Variants in FHIT observed in about 807,000 individuals in gnomAD.
FHIT encodes the protein fragile histidine triad diadenosine triphosphatase.
FHIT carries 19 observed loss-of-function variants against 17.9 expected under a neutral mutation model. That is an observed-to-expected ratio of 1.06 (90% CI 0.74 to 1.56). The LOEUF (loss-of-function observed/expected upper bound fraction) is 1.56. Among genes scored for constraint, FHIT ranks in the 40% most tolerant of loss-of-function variants. The pLI, the probability that FHIT is intolerant of heterozygous loss-of-function variation, is 0.00. For synonymous variants in FHIT, 81 were observed against 69.7 expected, an observed-to-expected ratio of 1.16 and a Z score of -0.81; for missense variants, 248 against 189.2, an observed-to-expected ratio of 1.31 and a Z score of -1.82.
intron 5 of FHIT, among the ~76,000 whole-genome samples, chr3:60,178,377 G>T (rs570953055): frequency 1.9e-4 from 29 of 151,984 alleles, no homozygotes; most frequent in Non-Finnish European, 3.5e-4. Flanking sequence ...ACCTCAGGTC[G>T]GGAGTTCGAG....
intron 8 of FHIT, among the ~76,000 whole-genome samples, chr3:59,853,181 A>G (rs185329063): frequency 6.6e-6 from 1 of 152,242 alleles, no homozygotes; most frequent in East Asian, 1.9e-4. Context: ...CCTCTCTAGC[A>G]TTTGGCATTG....
intron 4 of FHIT, among the ~76,000 whole-genome samples, chr3:60,819,396 A>G (rs1452913971): frequency 2.6e-5 from 4 of 152,194 alleles, no homozygotes; most frequent in African/African-American, 4.8e-5. Context: ...TTAATCTCAA[A>G]GCAATGAGGC....
chr3:60,976,509 A>G (rs574624247), intron 3 of FHIT, among the ~76,000 whole-genome samples: 2 of 152,304 alleles, frequency 1.3e-5, no homozygotes, highest in South Asian at 4.1e-4. Flanking sequence ...CCATGTCTCT[A>G]TAAAAAGGAA....
intron 5 of FHIT, among the ~76,000 whole-genome samples, chr3:60,091,739 G>A (rs999742357): frequency 1.3e-5 from 2 of 152,062 alleles, no homozygotes; most frequent in African/African-American, 4.8e-5. Context: ...GTTTAAAAGT[G>A]TGCGGCACCT....
intron 2 of FHIT, among the ~76,000 whole-genome samples, chr3:61,196,723 A>C (rs923881238): frequency 4.6e-5 from 7 of 152,264 alleles, no homozygotes; most frequent in Non-Finnish European, 1.0e-4. Flanking sequence ...CTCCAGACTC[A>C]AAGGGGAAAA....
At chr3:60,340,259 GAAGGT>G (rs1710448930) in intron 5 of FHIT, among the ~76,000 whole-genome samples, 1 of 152,174 alleles carries the variant, frequency 6.6e-6, no homozygotes, top group African/African-American at 2.4e-5. Flanking sequence ...AAATGAAGTT[GAAGGT>G]AAGGTCACAT....
chr3:60,248,101 T>C (rs910867172), intron 5 of FHIT, among the ~76,000 whole-genome samples: 13 of 152,294 alleles, frequency 8.5e-5, no homozygotes, highest in Non-Finnish European at 1.8e-4. Flanking sequence ...CTTCAGTGCA[T>C]TGCTCTTCAT....
At chr3:60,080,640 T>G (rs1449057660) in intron 5 of FHIT, among the ~76,000 whole-genome samples, 1 of 152,040 alleles carries the variant, frequency 6.6e-6, no homozygotes, top group East Asian at 1.9e-4. Flanking sequence ...TGCACGAAAT[T>G]GCCAGTCTGT....
At chr3:60,481,224 G>A (rs2033594340) in intron 5 of FHIT, among the ~76,000 whole-genome samples, 2 of 152,204 alleles carry the variant, frequency 1.3e-5, no homozygotes, top group South Asian at 4.1e-4. Context: ...GGGATGGGAA[G>A]AACGGAAACA....
At chr3:60,845,885 A>G (rs980961073) in intron 3 of FHIT, among the ~76,000 whole-genome samples, 10 of 152,196 alleles carry the variant, frequency 6.6e-5, no homozygotes, top group Non-Finnish European at 1.3e-4. Flanking sequence ...AGTGTCAAAT[A>G]CATAAGAGGT....
At chr3:60,652,133 C>T (rs2040004469) in intron 4 of FHIT, among the ~76,000 whole-genome samples, 1 of 152,116 alleles carries the variant, frequency 6.6e-6, no homozygotes, top group South Asian at 2.1e-4. Context: ...AGGTACAACA[C>T]AGGATGGAAG....
chr3:60,083,775 T>C (rs1703385647), intron 5 of FHIT, among the ~76,000 whole-genome samples: 1 of 152,188 alleles, frequency 6.6e-6, no homozygotes, highest in Non-Finnish European at 1.5e-5. Context: ...AACAAATGGG[T>C]GTGGCTGTGT....
chr3:60,986,775 C>T (rs112678178), intron 3 of FHIT, among the ~76,000 whole-genome samples: 5 of 152,220 alleles, frequency 3.3e-5, no homozygotes, highest in African/African-American at 7.2e-5. Context: ...TAGGAATAGC[C>T]GCTGACAGTT....
In FHIT at chr3:60,281,106, C is replaced by T. The variant is rs114593702; in HGVS notation, c.103+255754G>A. On this transcript the variant is annotated intron_variant, in intron 5 of 9. Transcript: ENST00000492590. ...AGAAGCACAATATCACTTATATTAGCGTAAAAAATAAAACACATAGATGTA... is the reference window on the plus strand; with the variant it reads ...AGAAGCACAATATCACTTATATTAGTGTAAAAAATAAAACACATAGATGTA... Among the ~76,000 whole-genome samples, 835 of 126,188 alleles carry T rather than the reference C, an allele frequency of 6.6e-3. 4 individuals are homozygous for T. The highest frequency in any genetic ancestry group is 0.025 in the Middle Eastern group (5 of 204). The allele number at this position is 126,188 out of a possible 152,430, so 82.8% of individuals were successfully genotyped here. A position where few individuals can be genotyped will look rare whatever the true frequency, so the allele number is the denominator to read the frequency against.
intron 1 of FHIT, among the ~76,000 whole-genome samples, chr3:61,242,625 A>C (rs1169632243): frequency 6.6e-6 from 1 of 152,200 alleles, no homozygotes; most frequent in East Asian, 1.9e-4. Context: ...AGCCGGCTGA[A>C]CAGGAGACCA....
intron 4 of FHIT, among the ~76,000 whole-genome samples, chr3:60,552,111 T>C (rs2036580430): frequency 6.6e-6 from 1 of 152,160 alleles, no homozygotes; most frequent in South Asian, 2.1e-4. Flanking sequence ...ATGTGTAGCT[T>C]ATTTCACTTA....
chr3:60,800,900 A>G (rs1247161734), intron 4 of FHIT, among the ~76,000 whole-genome samples: 9 of 152,158 alleles, frequency 5.9e-5, no homozygotes, highest in African/African-American at 2.2e-4. Context: ...ATTTCCCTCA[A>G]TAGAGGGTTA....
intron 4 of FHIT, among the ~76,000 whole-genome samples, chr3:60,723,135 T>A (rs947116790): frequency 7.2e-5 from 11 of 152,192 alleles, no homozygotes; most frequent in African/African-American, 2.4e-4. Context: ...GCCAGCTGTG[T>A]GCAAGGCAGC....
At chr3:60,936,869 A>C (rs1708213311) in intron 3 of FHIT, among the ~76,000 whole-genome samples, 1 of 152,174 alleles carries the variant, frequency 6.6e-6, no homozygotes, top group Non-Finnish European at 1.5e-5. Context: ...AGGAAAGGTT[A>C]TTTTTCTTAA....
Sources: allele counts gnomAD v4.1 joint callset (sites outside exome capture counted in the v4.1 genomes callset), GRCh38; gene constraint gnomAD v4.1.1; transcripts MANE v1.5; gene names NCBI Gene and HGNC (gene_info 2026-07-23, HGNC 2026-07-21).